The following MYO1D variants were observed in gnomAD, a reference collection of about 807,000 sequenced individuals.
MYO1D encodes unconventional myosin-Id.
In MYO1D, 83 loss-of-function variants were observed where a neutral mutation model predicts 122.0. The ratio of observed to expected loss-of-function variants is 0.68; its 90% CI spans 0.57 to 0.82. The LOEUF is 0.82. Ranked by LOEUF, MYO1D falls within the 40% of genes least tolerant of loss-of-function variation. MYO1D has a pLI of 0.00. For synonymous variants in MYO1D, 464 were observed against 446.9 expected, an observed-to-expected ratio of 1.04 and a Z score of -0.48; for missense variants, 1,157 against 1,269.5, an observed-to-expected ratio of 0.91 and a Z score of 1.35.
chr17:32,631,910 ACT>A, intron 20 of MYO1D, among the ~76,000 whole-genome samples: 1 of 145,734 alleles, frequency 6.9e-6, no homozygotes, highest in East Asian at 2.0e-4. Flanking sequence ...ATTCTTTCAA[ACT>A]CTGTTAGTTT....
intron 16 of MYO1D, among the ~76,000 whole-genome samples, chr17:32,702,719 A>C (rs367609440): frequency 5.3e-5 from 8 of 152,360 alleles, no homozygotes; most frequent in African/African-American, 1.9e-4. Flanking sequence ...TATTTATAGC[A>C]AGTATTTCTA....
chr17:32,843,981 AATAT>A (rs2090909645), intron 1 of MYO1D, among the ~76,000 whole-genome samples: 2 of 151,650 alleles, frequency 1.3e-5, no homozygotes, highest in South Asian at 4.1e-4. Flanking sequence ...AAAAAAGATA[AATAT>A]ATTTTATATA....
At chr17:32,734,071 T>C (rs971682977) in intron 14 of MYO1D, among the ~76,000 whole-genome samples, 1 of 152,228 alleles carries the variant, frequency 6.6e-6, no homozygotes, top group African/African-American at 2.4e-5. Context: ...AGTTTCCATA[T>C]GATAGGGATT....
intron 16 of MYO1D, among the ~76,000 whole-genome samples, chr17:32,660,237 T>C (rs1052270776): frequency 6.6e-6 from 1 of 152,216 alleles, no homozygotes; most frequent in African/African-American, 2.4e-5. Flanking sequence ...ATCGCCATCA[T>C]GCCCCAGTAT....
chr17:32,588,686 C>T (rs1423223632), intron 21 of MYO1D, among the ~76,000 whole-genome samples: 4 of 152,102 alleles, frequency 2.6e-5, no homozygotes, highest in African/African-American at 9.7e-5. Context: ...CATGGTGGCT[C>T]AGCCTGTAAT....
chr17:32,762,886 A>G (rs1164173285), intron 8 of MYO1D, among the ~76,000 whole-genome samples: 1 of 151,228 alleles, frequency 6.6e-6, no homozygotes, highest in Non-Finnish European at 1.5e-5. Flanking sequence ...AAAAAAGAAA[A>G]AAAAAAAAAG....
At chr17:32,600,467 C>T (rs1421035091) in intron 21 of MYO1D, among the ~76,000 whole-genome samples, 1 of 152,232 alleles carries the variant, frequency 6.6e-6, no homozygotes, top group Admixed American at 6.5e-5. Context: ...TCTGTTGTTT[C>T]GTGTAGCCAC....
intron 1 of MYO1D, among the ~76,000 whole-genome samples, chr17:32,823,892 C>T (rs896054458): frequency 6.6e-6 from 1 of 151,604 alleles, no homozygotes; most frequent in African/African-American, 2.4e-5. Flanking sequence ...ATGGTGAAAC[C>T]CTGTCTCTAC....
intron 20 of MYO1D, among the ~76,000 whole-genome samples, chr17:32,624,116 A>G (rs1409712230): frequency 6.6e-6 from 1 of 152,204 alleles, no homozygotes; most frequent in East Asian, 1.9e-4. Flanking sequence ...AGCCAAAACA[A>G]CAAAAGTGAA....
chr17:32,635,821 T>C (rs2088091335), intron 20 of MYO1D, among the ~76,000 whole-genome samples: 1 of 152,126 alleles, frequency 6.6e-6, no homozygotes, highest in Non-Finnish European at 1.5e-5. Context: ...AGGTGGAGAA[T>C]GAGAGAAGTA....
In MYO1D at chr17:32,876,793, G is replaced by A. The variant is rs777448385; in HGVS notation, c.80C>T (p.Ala27Val). 1.6e-5 allele frequency: 25 copies of A among 1,516,350 alleles called. No homozygotes were observed. The Middle Eastern group carries it at 1.4e-3, about 82-fold the overall frequency. The allele number at this position is 1,516,350 out of a possible 1,614,324, so 93.9% of individuals were successfully genotyped here. A position where few individuals can be genotyped will look rare whatever the true frequency, so the allele number is the denominator to read the frequency against. ...CCGCCCTCACCTGAGCCTGAGGTTG[G>A]CCATGAACTCGGGCATGGAGACGGT... The part of the protein sequence containing the change: ...MDTVSMPEFM[A>V]NLRLRFEKGR... Residue 27 changes from alanine (A) to valine (V), a missense_variant, in exon 1 of 22, where the codon GCC becomes GTC. By Grantham distance (64) the Ala-to-Val change is moderately conservative. Coordinates refer to ENST00000318217, the MANE Select transcript of MYO1D (RefSeq NM_015194.3).
At chr17:32,654,686 T>C (rs751417449) in intron 17 of MYO1D, 65 bp from the exon 18 acceptor site, 147 of 1,378,646 alleles carry the variant, frequency 1.1e-4, no homozygotes, top group South Asian at 2.1e-4. Flanking sequence ...CTCTCTCTCT[T>C]TTTTTTTTTC....
intron 20 of MYO1D, among the ~76,000 whole-genome samples, chr17:32,612,082 T>G (rs2087708989): frequency 6.6e-6 from 1 of 152,208 alleles, no homozygotes; most frequent in Non-Finnish European, 1.5e-5. Flanking sequence ...AGCATTTAAA[T>G]AACACGATTG....
chr17:32,523,964 T>C (rs1222510599), intron 21 of MYO1D, among the ~76,000 whole-genome samples: 2 of 152,156 alleles, frequency 1.3e-5, no homozygotes, highest in Non-Finnish European at 2.9e-5. Context: ...ATACAGACTT[T>C]GTGAAGATCA....
intron 8 of MYO1D, among the ~76,000 whole-genome samples, chr17:32,762,552 C>T (rs1270915943): frequency 2.0e-5 from 3 of 152,124 alleles, no homozygotes; most frequent in African/African-American, 7.2e-5. Context: ...ATAACATTCT[C>T]CATACTAAGG....
intron 13 of MYO1D, among the ~76,000 whole-genome samples, chr17:32,739,686 A>G (rs1472360454): frequency 1.3e-5 from 2 of 152,200 alleles, no homozygotes; most frequent in Non-Finnish European, 1.5e-5. Context: ...TAACATTAGC[A>G]TTCATTGCTA....
intron 20 of MYO1D, among the ~76,000 whole-genome samples, chr17:32,605,453 AT>A (rs2087615664): frequency 7.7e-6 from 1 of 129,974 alleles, no homozygotes; most frequent in Non-Finnish European, 1.6e-5. Context: ...CACGTCATAC[AT>A]TTTCTAAGGG....
chr17:32,615,923 T>C (rs898049015), intron 20 of MYO1D, among the ~76,000 whole-genome samples: 6 of 152,194 alleles, frequency 3.9e-5, no homozygotes, highest in African/African-American at 1.4e-4. Flanking sequence ...TGATACACAG[T>C]GAAACCATCA....
chr17:32,565,336 C>T (rs372501), intron 21 of MYO1D, among the ~76,000 whole-genome samples: 72,239 of 152,086 alleles, frequency 0.47, 17,684 homozygotes, highest in African/African-American at 0.59. Context: ...AAAAACTGCT[C>T]CTTTAAGATA....
Sources: allele counts gnomAD v4.1 joint callset (sites outside exome capture counted in the v4.1 genomes callset), GRCh38; gene constraint gnomAD v4.1.1; transcripts MANE v1.5; gene names NCBI Gene and HGNC (gene_info 2026-07-23, HGNC 2026-07-21).